The following TAFA1 variants were observed in gnomAD, a reference collection of about 807,000 sequenced individuals.
TAFA1 encodes the protein TAFA chemokine like family member 1.
Under a neutral mutation model 18.5 loss-of-function variants are expected in TAFA1, and 4 were observed. That is an observed-to-expected ratio of 0.22 (90% confidence interval 0.11 to 0.49). The LOEUF is 0.49. Among genes scored for constraint, TAFA1 ranks in the 20% least tolerant of loss-of-function variants. The probability of loss-of-function intolerance (pLI) is 0.98; values close to 1 mark genes in which losing one functional copy is unlikely to be tolerated. For missense variants in TAFA1, 147 were observed against 169.0 expected (o/e 0.87, Z 0.72); for synonymous variants, 56 against 55.2 (o/e 1.01, Z -0.06).
At chr3:68,174,274 G>T (rs1421024251) in intron 2 of TAFA1, among the ~76,000 whole-genome samples, 1 of 152,216 alleles carries the variant, frequency 6.6e-6, no homozygotes, top group Non-Finnish European at 1.5e-5. Flanking sequence ...TGGTTTTGCT[G>T]TGTCCCTGCT....
At chr3:68,192,674 C>G in intron 2 of TAFA1, 1 of 151,136 alleles carries the variant, frequency 6.6e-6, no homozygotes, top group East Asian at 2.0e-4. Flanking sequence ...TGAAATAGTT[C>G]ACATCCTGCA....
chr3:68,349,026 A>C (rs777892076), intron 2 of TAFA1, among the ~76,000 whole-genome samples: 7 of 151,606 alleles, frequency 4.6e-5, no homozygotes, highest in Non-Finnish European at 1.0e-4. Flanking sequence ...AGCTGATGCC[A>C]ATCTCCTGCT....
chr3:68,401,216 AG>A (rs1439974649), intron 2 of TAFA1, among the ~76,000 whole-genome samples: 1 of 152,152 alleles, frequency 6.6e-6, no homozygotes, highest in Non-Finnish European at 1.5e-5. Flanking sequence ...AGACCCAATC[AG>A]GAGGTTAAGG....
In TAFA1 at chr3:68,419,074, C is replaced by T. The variant is rs183801846; in HGVS notation, c.259+1654C>T. On this transcript the variant is annotated intron_variant, in intron 3 of 4. Coordinates refer to ENST00000478136, the MANE Select transcript of TAFA1 (RefSeq NM_213609.4). ...GGTCTTGTTTCCTCGCCTCGTGAAC[C>T]TCTCAAAAAAAACTTGATGTCCTCA... 2.8e-3 allele frequency among the ~76,000 whole-genome samples: 432 copies of T among 152,194 alleles called. 1 individual carries two copies. Among genetic ancestry groups the T allele is most frequent in the African/African-American group, 9.5e-3 (394 of 41,526 alleles).
In TAFA1 at chr3:68,521,856, G is replaced by GTTTTTTTTTTTTTTTTTTTTTTTTTT. The variant is rs57372768; in HGVS notation, c.260-16880_260-16879insTTTTTTTTTTTTTTTTTTTTTTTTTT. On this transcript the variant is annotated intron_variant, in intron 3 of 4. Coordinates refer to ENST00000478136, the MANE Select transcript of TAFA1 (RefSeq NM_213609.4). ...TCTGGGTTTTTCTGTGTTTTTTTCT[G>GTTTTTTTTTTTTTTTTTTTTTTTTTT]TTTTTTTTTTTTTTTTTTTTGGAGA... is the stretch of plus-strand genomic sequence containing the variant. 2.3e-4 allele frequency among the ~76,000 whole-genome samples: 16 copies of GTTTTTTTTTTTTTTTTTTTTTTTTTT among 70,854 alleles called. 1 individual carries two copies. Among genetic ancestry groups the GTTTTTTTTTTTTTTTTTTTTTTTTTT allele is most frequent in the Non-Finnish European group, 2.4e-4 (10 of 41,228 alleles). 46.5% of individuals were successfully genotyped at this position (70,854 alleles called of 152,430 possible).
chr3:68,369,533 C>T (rs777327535), intron 2 of TAFA1, among the ~76,000 whole-genome samples: 1 of 152,038 alleles, frequency 6.6e-6, no homozygotes, highest in East Asian at 1.9e-4. Flanking sequence ...TGCTATCAAC[C>T]CTGTCACCCC....
At chr3:68,262,261 G>C (rs1237241981) in intron 2 of TAFA1, among the ~76,000 whole-genome samples, 1 of 124,474 alleles carries the variant, frequency 8.0e-6, no homozygotes, top group African/African-American at 3.0e-5. Flanking sequence ...CCTGGGTTTA[G>C]GATTTTTTTT....
At chr3:68,132,231 A>G (rs2065548890) in intron 2 of TAFA1, among the ~76,000 whole-genome samples, 1 of 152,206 alleles carries the variant, frequency 6.6e-6, no homozygotes, top group South Asian at 2.1e-4. Flanking sequence ...ATGGCTGCAT[A>G]GTATTCCGTG....
chr3:68,189,870 T>C (rs984047291), intron 2 of TAFA1, among the ~76,000 whole-genome samples: 2 of 151,940 alleles, frequency 1.3e-5, no homozygotes, highest in Non-Finnish European at 2.9e-5. Flanking sequence ...GCAATTCTTA[T>C]TGTCACCATT....
intron 2 of TAFA1, among the ~76,000 whole-genome samples, chr3:68,286,215 T>A (rs567774090): frequency 9.3e-4 from 142 of 152,036 alleles, no homozygotes; most frequent in African/African-American, 3.3e-3. Context: ...ATCTAAAAAA[T>A]AATAATAATA....
At chr3:68,313,405 T>C (rs2068555530) in intron 2 of TAFA1, among the ~76,000 whole-genome samples, 1 of 152,168 alleles carries the variant, frequency 6.6e-6, no homozygotes, top group African/African-American at 2.4e-5. Flanking sequence ...GTCTATCCCA[T>C]GTCCAAGCAT....
intron 2 of TAFA1, among the ~76,000 whole-genome samples, chr3:68,359,644 C>A (rs1015633166): frequency 6.6e-6 from 1 of 151,868 alleles, no homozygotes; most frequent in South Asian, 2.1e-4. Flanking sequence ...CCTCCTGACA[C>A]CTTGAGTTTA....
chr3:68,471,153 T>C (rs1363534368), intron 3 of TAFA1, among the ~76,000 whole-genome samples: 1 of 152,150 alleles, frequency 6.6e-6, no homozygotes, highest in Non-Finnish European at 1.5e-5. Context: ...AAGTCAAGAA[T>C]TGAGATTTGG....
At chr3:68,049,960 G>C (rs1249707074) in intron 2 of TAFA1, among the ~76,000 whole-genome samples, 1 of 152,158 alleles carries the variant, frequency 6.6e-6, no homozygotes, top group Non-Finnish European at 1.5e-5. Flanking sequence ...TTCTGTGGGA[G>C]TGGTGTGGAT....
At chr3:68,543,910 C>T (rs564300326) in intron 4 of TAFA1, among the ~76,000 whole-genome samples, 4 of 152,146 alleles carry the variant, frequency 2.6e-5, no homozygotes, top group Admixed American at 6.6e-5. Flanking sequence ...AGTTTCTCAT[C>T]GCTGTGTTCC....
intron 2 of TAFA1, among the ~76,000 whole-genome samples, chr3:68,075,607 C>A (rs1409270125): frequency 2.0e-5 from 3 of 151,890 alleles, no homozygotes; most frequent in Non-Finnish European, 4.4e-5. Context: ...TAGAATTTCC[C>A]AAGTGTCTCA....
chr3:68,159,327 G>A (rs2065899467), intron 2 of TAFA1, among the ~76,000 whole-genome samples: 1 of 152,202 alleles, frequency 6.6e-6, no homozygotes, highest in East Asian at 1.9e-4. Flanking sequence ...GCTGGACCAT[G>A]AGCCTATTAA....
intron 2 of TAFA1, among the ~76,000 whole-genome samples, chr3:68,398,855 G>C (rs1253050422): frequency 6.6e-6 from 1 of 152,136 alleles, no homozygotes; most frequent in Non-Finnish European, 1.5e-5. Context: ...TCTCACTGCA[G>C]AGTCACTCAT....
intron 2 of TAFA1, among the ~76,000 whole-genome samples, chr3:68,231,851 C>A: frequency 6.6e-6 from 1 of 152,134 alleles, no homozygotes; most frequent in East Asian, 1.9e-4. Context: ...ACTGTCTCTT[C>A]TTAACCTTAG....
Sources: allele counts gnomAD v4.1 joint callset (sites outside exome capture counted in the v4.1 genomes callset), GRCh38; gene constraint gnomAD v4.1.1; transcripts MANE v1.5; gene names NCBI Gene and HGNC (gene_info 2026-07-23, HGNC 2026-07-21).